The following CHRM1 variants were observed in gnomAD, a reference collection of about 807,000 sequenced individuals.
CHRM1 encodes the protein cholinergic receptor muscarinic 1.
CHRM1 carries 5 observed loss-of-function variants against 31.6 expected under a neutral mutation model. The ratio of observed to expected loss-of-function variants is 0.16; its 90% CI spans 0.08 to 0.33. The LOEUF is 0.33. CHRM1 is among the 10% of genes least tolerant of loss of function. The probability of loss-of-function intolerance (pLI) is 1.00; values close to 1 mark genes in which losing one functional copy is unlikely to be tolerated. For missense variants in CHRM1, 338 were observed against 610.3 expected (o/e 0.55, Z 4.70); for synonymous variants, 227 against 249.7 (o/e 0.91, Z 0.86).
chr11:62,909,520 G>A lies in CHRM1; in HGVS notation c.*198C>T, dbSNP rs904183761. The stretch of plus-strand genomic sequence containing the variant: ...CAGGGAACAGAAAAACCAGTTCCCC[G>A]GGTTTCCCTCCCTGCCTGGGAATAG... On this transcript the variant is annotated 3_prime_UTR_variant, in exon 2 of 2. Coordinates refer to ENST00000306960, the MANE Select transcript of CHRM1 (RefSeq NM_000738.3). 9.6e-6 allele frequency: 6 copies of A among 628,200 alleles called. No individual in the cohort carries two copies. Among genetic ancestry groups the A allele is most frequent in the Admixed American group, 9.0e-5 (3 of 33,366 alleles). The allele number at this position is 628,200 out of a possible 1,614,324, so 38.9% of individuals were successfully genotyped here.
At position 62,910,700 on chromosome 11, in the gene CHRM1, C is replaced by G; in HGVS notation, c.401G>C (p.Arg134Pro). The change falls in exon 2 of 2, where the codon CGT (arginine) becomes CCT (proline). Residue 134 changes from arginine to proline, a missense_variant. This residue lies in a region of CHRM1 where 85 missense variants were observed against 257.7 expected (regional missense o/e 0.33). Coordinates refer to ENST00000306960, the MANE Select transcript of CHRM1 (RefSeq NM_000738.3). This position sits in a 1 kb window ranked among gnomAD's most constrained non-coding sequence, Gnocchi z 8.7. ...TGCCCGGCGGGGTGTGCGCTTGGCA[C>G]GGTAGCTCAGGGGCCGAGTCACGGA... ...YFSVTRPLSY[R>P]AKRTPRRAAL... 1 of 1,614,128 alleles carries G rather than the reference C, an allele frequency of 6.2e-7. No homozygotes were observed. The highest frequency in any genetic ancestry group is 8.5e-7 in the Non-Finnish European group (1 of 1,180,024).
intron 1 of CHRM1, chr11:62,917,982 C>A (rs888009777): frequency 2.0e-5 from 3 of 152,276 alleles, no homozygotes; most frequent in East Asian, 3.9e-4. Flanking sequence ...ACCTGAAGGA[C>A]CTTACAGCTC....
chr11:62,917,176 A>G (rs1399438161), intron 1 of CHRM1, among the ~76,000 whole-genome samples: 6 of 152,178 alleles, frequency 3.9e-5, no homozygotes, highest in African/African-American at 1.4e-4. Context: ...CTGTGGGATC[A>G]GTGAGATGGT....
At chr11:62,914,231 A>G (rs891121121) in intron 1 of CHRM1, among the ~76,000 whole-genome samples, 60 of 152,200 alleles carry the variant, frequency 3.9e-4, no homozygotes, top group African/African-American at 1.4e-3. Context: ...GGCGTGAGCC[A>G]CCGCGCCTGG....
intron 1 of CHRM1, among the ~76,000 whole-genome samples, chr11:62,916,273 C>T (rs747682065): frequency 6.6e-6 from 1 of 152,262 alleles, no homozygotes; most frequent in African/African-American, 2.4e-5. Context: ...TTACTAAGTC[C>T]GGAAGCCAAC....
chr11:62,912,805 C>G (rs533014498), intron 1 of CHRM1, among the ~76,000 whole-genome samples: 22 of 152,360 alleles, frequency 1.4e-4, no homozygotes, highest in African/African-American at 4.8e-4. Flanking sequence ...TCCCCTGACC[C>G]TCAGCTGTGG....
In CHRM1 at chr11:62,909,447, A is replaced by T; in HGVS notation, c.*271T>A. ...GGCAAACAAGGAGTCCAAAGCCCGG[A>T]TCCTCCTCCCGGGCCTTCTTCCTGG... On this transcript the variant is annotated 3_prime_UTR_variant, in exon 2 of 2. Coordinates refer to ENST00000306960, the MANE Select transcript of CHRM1 (RefSeq NM_000738.3). 2 of 498,672 alleles carry T rather than the reference A, an allele frequency of 4.0e-6. No individual in the cohort carries two copies. The highest frequency in any genetic ancestry group is 7.1e-6 in the Non-Finnish European group (2 of 280,130). 30.9% of individuals were successfully genotyped at this position (498,672 alleles called of 1,614,324 possible). A position where few individuals can be genotyped will look rare whatever the true frequency, so the allele number is the denominator to read the frequency against.
intron 1 of CHRM1, among the ~76,000 whole-genome samples, chr11:62,915,207 T>G (rs1239468734): frequency 7.0e-6 from 1 of 143,786 alleles, no homozygotes; most frequent in Non-Finnish European, 1.5e-5. Flanking sequence ...AAAAAAAGCT[T>G]GACTCCTTAT....
intron 1 of CHRM1, among the ~76,000 whole-genome samples, chr11:62,914,495 C>A (rs1344878359): frequency 6.6e-6 from 1 of 152,188 alleles, no homozygotes; most frequent in African/African-American, 2.4e-5. Context: ...ACAAAATCAG[C>A]CACTGGGCTG....
intron 1 of CHRM1, among the ~76,000 whole-genome samples, chr11:62,917,125 T>G (rs192119255): frequency 6.6e-6 from 1 of 152,334 alleles, no homozygotes; most frequent in African/African-American, 2.4e-5. Flanking sequence ...CAAGTCTCCT[T>G]AACTGTCGAT....
chr11:62,920,761 T>C (rs1420037598), intron 1 of CHRM1: 2 of 152,058 alleles, frequency 1.3e-5, no homozygotes, highest in Non-Finnish European at 2.9e-5. Context: ...GGTTTCAGGG[T>C]GCCCTGAGGG....
In CHRM1 at chr11:62,908,985, A is replaced by G. The variant is rs1012883314; in HGVS notation, c.*733T>C. The G allele has an allele frequency of 4.6e-5, 7 of 152,682 alleles. No individual in the cohort carries two copies. The highest frequency in any genetic ancestry group is 7.3e-5 in the Non-Finnish European group (5 of 68,210). 9.5% of individuals were successfully genotyped at this position (152,682 alleles called of 1,614,324 possible). ...GCAGGGGGTATGGATTTGCGGCTGG[A>G]TAGCAGGCACACTTGACTCCCACTC... On this transcript the variant is annotated 3_prime_UTR_variant, in exon 2 of 2. Coordinates refer to ENST00000306960, the MANE Select transcript of CHRM1 (RefSeq NM_000738.3).
At position 62,910,726 on chromosome 11, in the gene CHRM1, G is replaced by A. The variant is rs1209680808; in HGVS notation, c.375C>T (p.Phe125=). The stretch of plus-strand genomic sequence containing the variant: ...GGTAGCTCAGGGGCCGAGTCACGGA[G>A]AAGTAGCGGTCAAAGCTGATGAGCA... The part of the protein sequence containing the change: ...NLLLISFDRY[F]SVTRPLSYRA... Residue 125 remains phenylalanine, a synonymous_variant, in exon 2 of 2, where the codon TTC becomes TTT. Coordinates refer to ENST00000306960, the MANE Select transcript of CHRM1 (RefSeq NM_000738.3). The surrounding 1 kb of genome is among the most constrained non-coding windows in gnomAD (Gnocchi z 8.7). 2 of 1,614,242 alleles carry A rather than the reference G, an allele frequency of 1.2e-6. No individual in the cohort carries two copies. The highest frequency in any genetic ancestry group is 2.2e-5 in the East Asian group (1 of 44,890).
At chr11:62,921,647 A>G (rs1218596211), upstream of CHRM1, 1 of 152,640 alleles carries the variant, frequency 6.6e-6, no homozygotes, top group Non-Finnish European at 1.5e-5. Context: ...CACTGCACAG[A>G]CCCGGCGGCA....
chr11:62,916,301 A>C (rs1425519215), intron 1 of CHRM1, among the ~76,000 whole-genome samples: 1 of 152,228 alleles, frequency 6.6e-6, no homozygotes, highest in Non-Finnish European at 1.5e-5. Flanking sequence ...GGTGCTGAAC[A>C]GAAAGAACCC....
Position 62,910,345 on chromosome 11 carries a change from TG to T in CHRM1, c.755del (p.Pro252GlnfsTer50). On this transcript the variant is annotated frameshift_variant, in exon 2 of 2. Coordinates refer to ENST00000306960, the MANE Select transcript of CHRM1 (RefSeq NM_000738.3). LOFTEE classifies it high-confidence loss of function. This position sits in a 1 kb window ranked among gnomAD's most constrained non-coding sequence, Gnocchi z 8.7. ...ERSQPGAEGS[P>X]ETPPGRCCRC... ...GACAGCAGCGGCCTGGAGGAGTCTC[TG>T]GTGAGCCCTCAGCCCCTGGCTGAGA... 6.2e-7 allele frequency: 1 copy of T among 1,609,912 alleles called. No individual in the cohort carries two copies.
At chr11:62,919,927 T>C (rs564431815) in intron 1 of CHRM1, among the ~76,000 whole-genome samples, 108 of 152,350 alleles carry the variant, frequency 7.1e-4, no homozygotes, top group African/African-American at 2.5e-3. Flanking sequence ...ACATGACCTC[T>C]GGTTAGCCCC....
At position 62,916,073 on chromosome 11, in the gene CHRM1, G is replaced by A. The variant is rs186229377; in HGVS notation, c.-78-4895C>T. 7.4e-4 allele frequency among the ~76,000 whole-genome samples: 113 copies of A among 152,250 alleles called. 2 individuals are homozygous for A. The highest frequency in any genetic ancestry group is 1.4e-3 in the Non-Finnish European group (94 of 68,018). On this transcript the variant is annotated intron_variant, in intron 1 of 1. Coordinates refer to ENST00000306960, the MANE Select transcript of CHRM1 (RefSeq NM_000738.3). Reference sequence around the variant, plus strand: ...GATCCACCTGCCTCGGCCTCCCAAAGTACTGGGATTATAGGCATGAGCCAC... The same window carrying A: ...GATCCACCTGCCTCGGCCTCCCAAAATACTGGGATTATAGGCATGAGCCAC...
chr11:62,914,371 A>G (rs1336692606), intron 1 of CHRM1, among the ~76,000 whole-genome samples: 1 of 152,232 alleles, frequency 6.6e-6, no homozygotes, highest in Non-Finnish European at 1.5e-5. Context: ...AATTTCATTT[A>G]CAAAAACCGA....
Sources: gnomAD v4.1 joint callset for allele counts (sites outside exome capture counted in the v4.1 genomes callset) on GRCh38, gnomAD v4.1.1 for gene constraint, gnomAD v4.1.1 regional missense constraint, Gnocchi (gnomAD v3.1) non-coding constraint, MANE v1.5 for transcripts, NCBI Gene and HGNC (gene_info 2026-07-23, HGNC 2026-07-21) for gene names.